Variants in SVEP1 observed in about 807,000 individuals in gnomAD.
SVEP1 encodes sushi, von Willebrand factor type A, EGF and pentraxin domain-containing protein 1.
In SVEP1, 164 loss-of-function variants were observed where a neutral mutation model predicts 367.3. The observed-to-expected ratio is 0.45, with a 90% CI of 0.39 to 0.51. The LOEUF (loss-of-function observed/expected upper bound fraction) is 0.51. Among genes scored for constraint, SVEP1 ranks in the 20% least tolerant of loss-of-function variants. The pLI is 0.00. For missense variants in SVEP1, 4,117 were observed against 4,425.3 expected, an observed-to-expected ratio of 0.93 and a Z score of 1.98; for synonymous variants, 1,666 against 1,611.6, an observed-to-expected ratio of 1.03 and a Z score of -0.81.
chr9:110,505,550 C>T (rs1588084612), intron 5 of SVEP1, among the ~76,000 whole-genome samples: 1 of 152,310 alleles, frequency 6.6e-6, no homozygotes, highest in East Asian at 1.9e-4. Flanking sequence ...GTAACAGGGA[C>T]TGGAGGTGAG....
intron 3 of SVEP1, among the ~76,000 whole-genome samples, chr9:110,544,885 A>G (rs960801637): frequency 6.7e-6 from 1 of 150,150 alleles, no homozygotes; most frequent in Non-Finnish European, 1.5e-5. Context: ...TCTAGTAGTA[A>G]TTTATATCTG....
intron 17 of SVEP1, among the ~76,000 whole-genome samples, chr9:110,467,537 T>C (rs1828955617): frequency 1.3e-5 from 2 of 152,074 alleles, no homozygotes; most frequent in African/African-American, 4.8e-5. Flanking sequence ...GGATTTCTCA[T>C]GGATGGTTTA....
intron 46 of SVEP1, among the ~76,000 whole-genome samples, 196 bp downstream of exon 46, chr9:110,375,172 G>T (rs565306700): frequency 5.5e-4 from 84 of 152,050 alleles, no homozygotes; most frequent in Non-Finnish European, 7.1e-4. Context: ...TTCGGCACAT[G>T]ACCTGGAAAC....
At chr9:110,468,548 C>A (rs1051585043) in intron 17 of SVEP1, among the ~76,000 whole-genome samples, 1 of 152,144 alleles carries the variant, frequency 6.6e-6, no homozygotes, top group Non-Finnish European at 1.5e-5. Context: ...ACTGTAAAAC[C>A]CTCATGTGAG....
intron 16 of SVEP1, among the ~76,000 whole-genome samples, chr9:110,470,281 T>C (rs912689294): frequency 6.6e-6 from 1 of 152,062 alleles, no homozygotes; most frequent in Non-Finnish European, 1.5e-5. Flanking sequence ...GAGGTGATGG[T>C]TGCACACCAT....
At chr9:110,488,420 C>T (rs974448632) in intron 9 of SVEP1, among the ~76,000 whole-genome samples, 13 of 151,562 alleles carry the variant, frequency 8.6e-5, no homozygotes, top group Admixed American at 7.9e-4. Context: ...AGAAGATCAG[C>T]ATTTGAGAAT....
In SVEP1 at chr9:110,384,355, C is replaced by T. The variant is rs1827488373; in HGVS notation, c.10237+1543G>A. On this transcript the variant is annotated intron_variant, in intron 43 of 47. Transcript: ENST00000374469. ...TCTCGCTTTCTGTGGATTGCGCCAA[C>T]TGCCTAGTCAGTCCCAATGAGAGAA... Among the ~76,000 whole-genome samples, 3 of 152,000 alleles carry T rather than the reference C, an allele frequency of 2.0e-5. No homozygotes were observed. In the South Asian group the frequency reaches 6.2e-4, roughly 32 times the overall value.
intron 27 of SVEP1, among the ~76,000 whole-genome samples, chr9:110,438,177 A>ATTTTTTTTTT (rs10593866): frequency 1.3e-5 from 1 of 75,538 alleles, no homozygotes; most frequent in African/African-American, 5.1e-5. Context: ...TAGTTATGCT[A>ATTTTTTTTTT]TTTTTTTTTT....
chr9:110,370,524 A>G (rs574533602), intron 46 of SVEP1, among the ~76,000 whole-genome samples: 1 of 152,304 alleles, frequency 6.6e-6, no homozygotes, highest in East Asian at 1.9e-4. Context: ...TGGATTGTCT[A>G]AAATAACAGA....
At chr9:110,429,558 C>T (rs761559427) in intron 34 of SVEP1, among the ~76,000 whole-genome samples, 2 of 151,970 alleles carry the variant, frequency 1.3e-5, no homozygotes, top group Non-Finnish European at 2.9e-5. Context: ...GGCTTGCCTT[C>T]AGTTTGTGTC....
intron 40 of SVEP1, among the ~76,000 whole-genome samples, chr9:110,392,151 A>ATC (rs1827667166): frequency 6.8e-6 from 1 of 146,024 alleles, no homozygotes; most frequent in African/African-American, 2.7e-5. Context: ...ATATATATAT[A>ATC]TATCTCTTCT....
At chr9:110,466,760 C>CAAAAAAAA (rs71371670) in intron 17 of SVEP1, among the ~76,000 whole-genome samples, 558 of 46,364 alleles carry the variant, frequency 0.012, 168 homozygotes, top group African/African-American at 0.014. Context: ...GACTCCATCT[C>CAAAAAAAA]AAAAAAAAAA....
At chr9:110,485,865 C>T (rs534822596) in intron 9 of SVEP1, among the ~76,000 whole-genome samples, 1 of 152,202 alleles carries the variant, frequency 6.6e-6, no homozygotes, top group Admixed American at 6.5e-5. Flanking sequence ...AACTGAACTG[C>T]ACCTGTGAGA....
intron 26 of SVEP1, among the ~76,000 whole-genome samples, chr9:110,445,123 A>G (rs1447212204): frequency 6.6e-6 from 1 of 152,192 alleles, no homozygotes; most frequent in Admixed American, 6.5e-5. Flanking sequence ...AGTTTTGCCA[A>G]GGATTTCACA....
chr9:110,511,488 C>CTTTTTTTTTTTT (rs199993986), intron 5 of SVEP1, among the ~76,000 whole-genome samples: 9 of 77,568 alleles, frequency 1.2e-4, no homozygotes, highest in East Asian at 4.4e-4. Context: ...GTGTCAGTAC[C>CTTTTTTTTTTTT]TTTTTTTTTT....
intron 16 of SVEP1, among the ~76,000 whole-genome samples, chr9:110,469,360 T>G (rs1234454289): frequency 6.6e-6 from 1 of 152,128 alleles, no homozygotes; most frequent in Non-Finnish European, 1.5e-5. Context: ...ATAATGGGGG[T>G]TTAAAAGTGT....
At chr9:110,458,341 A>G (rs2118635029) in intron 20 of SVEP1, 130 bp downstream of exon 20, 2 of 744,328 alleles carry the variant, frequency 2.7e-6, no homozygotes, top group East Asian at 2.7e-5. Context: ...ACAATTATTC[A>G]TTTATAAAAT....
chr9:110,416,502 A>C (rs1368047620), intron 36 of SVEP1, among the ~76,000 whole-genome samples: 1 of 152,006 alleles, frequency 6.6e-6, no homozygotes, highest in Non-Finnish European at 1.5e-5. Context: ...TGACAGATTA[A>C]TTAACATGAA....
At chr9:110,527,910 G>A (rs922531587) in intron 3 of SVEP1, among the ~76,000 whole-genome samples, 2 of 151,170 alleles carry the variant, frequency 1.3e-5, no homozygotes, top group African/African-American at 2.4e-5. Flanking sequence ...TGTATGCTTT[G>A]GCATACCCAC....
Sources: gnomAD v4.1 joint callset for allele counts (sites outside exome capture counted in the v4.1 genomes callset) on GRCh38, gnomAD v4.1.1 for gene constraint, MANE v1.5 for transcripts, NCBI Gene and HGNC (gene_info 2026-07-23, HGNC 2026-07-21) for gene names.